RYR2: variants seen among roughly 807,000 people sequenced by gnomAD.
The protein encoded by RYR2 is cardiac muscle ryanodine receptor-calcium release channel.
A neutral mutation model predicts 601.1 loss-of-function variants in RYR2; 227 were observed. The ratio of observed to expected loss-of-function variants is 0.38; its 90% CI spans 0.34 to 0.42. The LOEUF is 0.42. Among genes scored for constraint, RYR2 ranks in the 10% least tolerant of loss-of-function variants. RYR2 has a pLI of 1.00. For synonymous variants in RYR2, 2,223 were observed against 2,175.1 expected (o/e 1.02, Z -0.61); for missense variants, 4,646 against 6,156.5 (o/e 0.75, Z 8.21).
intron 102 of RYR2, 25 bp from the exon 103 acceptor site, chr1:237,830,505 G>T: frequency 7.1e-7 from 1 of 1,399,156 alleles, no homozygotes; most frequent in Non-Finnish European, 1.0e-6. Context: ...GAACTCTGAC[G>T]TTAATATTTC....
chr1:237,365,005 C>T (rs1408267485), intron 5 of RYR2, among the ~76,000 whole-genome samples: 3 of 152,064 alleles, frequency 2.0e-5, no homozygotes, highest in African/African-American at 4.8e-5. Context: ...GACATGTCAT[C>T]GAAGGAATAT....
At chr1:237,409,558 T>C (rs1473616960) in intron 10 of RYR2, among the ~76,000 whole-genome samples, 2 of 152,104 alleles carry the variant, frequency 1.3e-5, no homozygotes, top group Admixed American at 1.3e-4. Context: ...CCTTTTGAAA[T>C]AAAAAACAGT....
At chr1:237,567,415 CAAAAA>C (rs3057438) in intron 28 of RYR2, among the ~76,000 whole-genome samples, 7 of 111,996 alleles carry the variant, frequency 6.3e-5, no homozygotes, top group Admixed American at 3.1e-4. Context: ...CCTGTCTCTA[CAAAAA>C]AAAAAAAAAA....
At chr1:237,091,671 C>G (rs866780048) in intron 1 of RYR2, among the ~76,000 whole-genome samples, 2 of 152,202 alleles carry the variant, frequency 1.3e-5, no homozygotes, top group African/African-American at 4.8e-5. Flanking sequence ...GTGATCCCCC[C>G]GCCTTGGCCT....
At chr1:237,044,706 C>T (rs1660340964) in intron 1 of RYR2, among the ~76,000 whole-genome samples, 1 of 150,112 alleles carries the variant, frequency 6.7e-6, no homozygotes, top group African/African-American at 2.4e-5. Flanking sequence ...TCACAATTTT[C>T]CAATTTTCAT....
chr1:237,814,958 CTTTTTTCTTTTT>C (rs1163569704), intron 100 of RYR2, among the ~76,000 whole-genome samples: 42 of 122,618 alleles, frequency 3.4e-4, no homozygotes, highest in African/African-American at 9.7e-4. Flanking sequence ...CTCCTTTTTT[CTTTTTTCTTTTT>C]TTTTTTTTTT....
chr1:237,065,237 G>C (rs1187413319), intron 1 of RYR2, among the ~76,000 whole-genome samples: 2 of 143,086 alleles, frequency 1.4e-5, no homozygotes, highest in African/African-American at 5.3e-5. Flanking sequence ...ATACAGAACT[G>C]TTCCATCCTC....
At chr1:237,643,088 C>A (rs1681737720) in intron 47 of RYR2, among the ~76,000 whole-genome samples, 2 of 152,176 alleles carry the variant, frequency 1.3e-5, no homozygotes, top group South Asian at 2.1e-4. Context: ...AATGGATGAA[C>A]CAACTGGCCT....
chr1:237,343,340 A>T (rs1374356324), intron 3 of RYR2, among the ~76,000 whole-genome samples: 1 of 152,220 alleles, frequency 6.6e-6, no homozygotes, highest in Non-Finnish European at 1.5e-5. Flanking sequence ...CAGCTAAACC[A>T]GCAAAATTAA....
intron 27 of RYR2, among the ~76,000 whole-genome samples, chr1:237,559,497 C>T (rs540494713): frequency 5.4e-4 from 82 of 152,276 alleles, no homozygotes; most frequent in African/African-American, 1.5e-3. Context: ...CCACCTGCCT[C>T]GGCCTCCCAA....
At chr1:237,809,822 A>G (rs540146219) in intron 100 of RYR2, among the ~76,000 whole-genome samples, 4 of 152,320 alleles carry the variant, frequency 2.6e-5, no homozygotes, top group South Asian at 4.1e-4. Flanking sequence ...ATTTTATACT[A>G]AAGAATGACA....
chr1:237,795,658 C>A lies in RYR2; in HGVS notation c.13956+327C>A, dbSNP rs933528276. 3.3e-5 allele frequency among the ~76,000 whole-genome samples: 5 copies of A among 151,616 alleles called. No homozygotes were observed. In the East Asian group the frequency reaches 5.8e-4, roughly 18 times the overall value. On this transcript the variant is annotated intron_variant, in intron 96 of 104. Coordinates refer to ENST00000366574, the MANE Select transcript of RYR2 (RefSeq NM_001035.3). ...TCGAGATGGGGTTTCGCCATGTTGGCCTGGCTGGTCTCTGACTCCTGACCT... is the reference window on the plus strand; with the variant it reads ...TCGAGATGGGGTTTCGCCATGTTGGACTGGCTGGTCTCTGACTCCTGACCT...
chr1:237,481,809 CAAAA>C (rs553197529), intron 17 of RYR2, among the ~76,000 whole-genome samples: 4,933 of 46,654 alleles, frequency 0.11, 117 homozygotes, highest in Non-Finnish European at 0.16. Context: ...TGCTGTGTAG[CAAAA>C]AAAAAAAAAA....
chr1:237,491,310 G>A, intron 17 of RYR2, among the ~76,000 whole-genome samples: 1 of 151,914 alleles, frequency 6.6e-6, no homozygotes, highest in Admixed American at 6.6e-5. Context: ...CCATGGATTG[G>A]GATGCACTGT....
At chr1:237,493,440 C>G (rs1050972830) in intron 19 of RYR2, among the ~76,000 whole-genome samples, 10 of 152,078 alleles carry the variant, frequency 6.6e-5, no homozygotes, top group African/African-American at 2.2e-4. Flanking sequence ...AAACACTATC[C>G]TTCAATATCA....
intron 3 of RYR2, among the ~76,000 whole-genome samples, chr1:237,350,621 A>G (rs1254681885): frequency 8.3e-6 from 1 of 120,348 alleles, no homozygotes; most frequent in African/African-American, 3.2e-5. Context: ...ATATATATAT[A>G]TATATATATA....
At chr1:237,793,448 TA>T (rs1172415093) in intron 94 of RYR2, among the ~76,000 whole-genome samples, 2 of 152,214 alleles carry the variant, frequency 1.3e-5, no homozygotes, top group African/African-American at 4.8e-5. Context: ...ATGAAATTAT[TA>T]AAGAGGTTTC....
At chr1:237,639,307 A>T in intron 46 of RYR2, 106 bp downstream of exon 46, 1 of 1,089,226 alleles carries the variant, frequency 9.2e-7, no homozygotes, top group Non-Finnish European at 1.3e-6. Flanking sequence ...TGTGGTACAG[A>T]AGATTTCTCC....
In RYR2 at chr1:237,365,730, T is replaced by A. The variant is rs1700137249; in HGVS notation, c.309+1358T>A. On this transcript the variant is annotated intron_variant, in intron 5 of 104. Coordinates refer to ENST00000366574, the MANE Select transcript of RYR2 (RefSeq NM_001035.3). The stretch of plus-strand genomic sequence containing the variant: ...TGCATTTGCTGTATTCATTTTATCA[T>A]CTCATTCTTAATTCAACTGTACAAT... Among the ~76,000 whole-genome samples the A allele has an allele frequency of 2.0e-5, 3 of 152,246 alleles. No individual in the cohort carries two copies. In the South Asian group the frequency reaches 6.2e-4, roughly 31 times the overall value.
Sources: allele counts gnomAD v4.1 joint callset (sites outside exome capture counted in the v4.1 genomes callset), GRCh38; gene constraint gnomAD v4.1.1; transcripts MANE v1.5; gene names NCBI Gene and HGNC (gene_info 2026-07-23, HGNC 2026-07-21).